Variants in NDUFAF6 observed in about 807,000 individuals in gnomAD.
NDUFAF6 encodes NADH dehydrogenase (ubiquinone) complex I, assembly factor 6.
Under a neutral mutation model 40.8 loss-of-function variants are expected in NDUFAF6, and 45 were observed. The observed-to-expected ratio is 1.10, with a 90% CI of 0.87 to 1.42. The LOEUF (loss-of-function observed/expected upper bound fraction) is 1.42. Among genes scored for constraint, NDUFAF6 ranks in the 40% most tolerant of loss-of-function variants. NDUFAF6 has a pLI of 0.00. For synonymous variants in NDUFAF6, 185 were observed against 155.9 expected (o/e 1.19, Z -1.39); for missense variants, 435 against 418.5 (o/e 1.04, Z -0.34).
chr8:95,041,552 ATG>A lies in NDUFAF6; in HGVS notation c.421-17_421-16del. 7.2e-7 allele frequency: 1 copy of A among 1,384,634 alleles called. No homozygotes were observed. 85.8% of individuals were successfully genotyped at this position (1,384,634 alleles called of 1,614,324 possible). Reference sequence around the variant, plus strand: ...TTCTAGTACTTTCTAAAAACTTATAATGCTCTTTGTTTTTTAGGCTGTTAAAA... The same window carrying A: ...TTCTAGTACTTTCTAAAAACTTATAACTCTTTGTTTTTTAGGCTGTTAAAA... On this transcript the variant is annotated splice_polypyrimidine_tract_variant and intron_variant, in intron 3 of 8. Transcript: ENST00000396124.
chr8:95,061,127 T>C (rs1314671464), downstream of NDUFAF6, among the ~76,000 whole-genome samples: 1 of 152,210 alleles, frequency 6.6e-6, no homozygotes, highest in Non-Finnish European at 1.5e-5. Flanking sequence ...ATGGATGGTC[T>C]ATGTCAAGAC....
In NDUFAF6 at chr8:95,095,171, G is replaced by T. The variant is rs192585387; in HGVS notation, n.214-5961G>T. Among the ~76,000 whole-genome samples, 200 of 152,258 alleles carry T rather than the reference G, an allele frequency of 1.3e-3. 1 individual carries two copies. Among genetic ancestry groups the T allele is most frequent in the Middle Eastern group, 3.4e-3 (1 of 294 alleles). On this transcript the variant is annotated intron_variant and non_coding_transcript_variant, in intron 2 of 5. Transcript: ENST00000523184. ...AAAGCCGTGGACTCCATAGATTTGG[G>T]TTTGACCCATGGTTGTAGAGGATTC...
At chr8:94,948,063 G>C (rs1822172127) in intron 2 of NDUFAF6, among the ~76,000 whole-genome samples, 1 of 152,164 alleles carries the variant, frequency 6.6e-6, no homozygotes, top group Non-Finnish European at 1.5e-5. Flanking sequence ...TGTGCATTGA[G>C]AAAAGGCTTT....
downstream of NDUFAF6, among the ~76,000 whole-genome samples, chr8:95,105,496 A>T (rs1042512431): frequency 6.6e-6 from 1 of 151,808 alleles, no homozygotes; most frequent in Admixed American, 6.6e-5. Context: ...AGTAGCTGGG[A>T]TTACAGGTGC....
In NDUFAF6 at chr8:95,005,556, A is replaced by T. The variant is rs865915259; in HGVS notation, c.-84+24583A>T. The stretch of plus-strand genomic sequence containing the variant: ...ATATATATATATATATATATATAAA[A>T]AATATATTAACATAAATAATATATT... On this transcript the variant is annotated intron_variant, in intron 2 of 9. Transcript: ENST00000396111. Among the ~76,000 whole-genome samples, 393 of 61,796 alleles carry T rather than the reference A, an allele frequency of 6.4e-3. 5 individuals are homozygous for T. Among genetic ancestry groups the T allele is most frequent in the African/African-American group, 0.018 (247 of 13,820 alleles). 40.5% of individuals were successfully genotyped at this position (61,796 alleles called of 152,430 possible).
downstream of NDUFAF6, among the ~76,000 whole-genome samples, chr8:95,062,637 A>G (rs1832599878): frequency 6.6e-6 from 1 of 152,218 alleles, no homozygotes; most frequent in Admixed American, 6.5e-5. Flanking sequence ...AAATTGGTGA[A>G]TGGTAGATAA....
chr8:94,980,830 T>A, intron 1 of NDUFAF6: 2 of 418,990 alleles, frequency 4.8e-6, no homozygotes, highest in African/African-American at 4.1e-5. Flanking sequence ...CTTTTCTCCA[T>A]CAAGACTACC....
Position 94,929,418 on chromosome 8 carries a change from TA to T in NDUFAF6, c.-935-16052del, listed in dbSNP as rs77909682. The T allele has an allele frequency of 4.4e-3, 611 of 139,600 alleles. 1 individual carries two copies. The highest frequency in any genetic ancestry group is 4.3e-3 in the African/African-American group (164 of 38,136). 8.6% of individuals were successfully genotyped at this position (139,600 alleles called of 1,614,324 possible). A position where few individuals can be genotyped will look rare whatever the true frequency, so the allele number is the denominator to read the frequency against. On this transcript the variant is annotated intron_variant, in intron 1 of 14. Coordinates refer to the NDUFAF6 transcript ENST00000396113. ...AAGAATACTTACAATACAAGGCAATTAAAAAAAAAAAAAGAAAAAAGTTGAG... is the reference window on the plus strand; with the variant it reads ...AAGAATACTTACAATACAAGGCAATTAAAAAAAAAAAAGAAAAAAGTTGAG...
At chr8:95,025,302 C>G (rs1827968500) in intron 1 of NDUFAF6, 97 bp downstream of exon 1, 5 of 1,207,160 alleles carry the variant, frequency 4.1e-6, no homozygotes, top group Non-Finnish European at 5.3e-6. Context: ...AGCGAGCGGA[C>G]CGGCGCCTTC....
At chr8:95,101,252 C>G (rs1396242480) in intron 2 of NDUFAF6, 1 of 152,116 alleles carries the variant, frequency 6.6e-6, no homozygotes, top group African/African-American at 2.4e-5. Flanking sequence ...CACAATGTTG[C>G]CCTTGTCTGG....
intron 1 of NDUFAF6, among the ~76,000 whole-genome samples, chr8:94,963,088 C>T (rs1823733219): frequency 6.6e-6 from 1 of 152,138 alleles, no homozygotes; most frequent in Non-Finnish European, 1.5e-5. Flanking sequence ...AGCCACTACA[C>T]CTGGCCCAAA....
intron 2 of NDUFAF6, among the ~76,000 whole-genome samples, chr8:95,011,266 C>A (rs1827217486): frequency 1.3e-5 from 2 of 152,212 alleles, no homozygotes; most frequent in Admixed American, 1.3e-4. Flanking sequence ...AAATCTTATC[C>A]ATTTCCCTGC....
chr8:94,902,597 A>G (rs1818096792), intron 1 of NDUFAF6, among the ~76,000 whole-genome samples: 1 of 151,840 alleles, frequency 6.6e-6, no homozygotes, highest in Non-Finnish European at 1.5e-5. Context: ...TTGTATGGAT[A>G]TGCTACACTT....
upstream of NDUFAF6, among the ~76,000 whole-genome samples, chr8:95,098,093 C>T (rs371096963): frequency 5.9e-5 from 9 of 152,184 alleles, no homozygotes; most frequent in Non-Finnish European, 1.3e-4. Context: ...ATGTTTTGAT[C>T]TGGAGTCCCT....
chr8:94,952,363 G>GT lies in NDUFAF6; in HGVS notation c.-798-5630dup, dbSNP rs532104612. ...GCAGCCTCAGAACACAAAGCAACAA[G>GT]TTGTTCTGTCTGTACTGAGGAGAAT... is the stretch of plus-strand genomic sequence containing the variant. On this transcript the variant is annotated intron_variant, in intron 2 of 14. Transcript: ENST00000396113. 2.3e-3 allele frequency among the ~76,000 whole-genome samples: 357 copies of GT among 152,342 alleles called. 2 individuals are homozygous for GT. Among genetic ancestry groups the GT allele is most frequent in the Non-Finnish European group, 4.0e-3 (274 of 68,040 alleles).
At chr8:94,997,335 C>CAG (rs1352657153) in intron 2 of NDUFAF6, among the ~76,000 whole-genome samples, 192 of 137,440 alleles carry the variant, frequency 1.4e-3, no homozygotes, top group African/African-American at 5.1e-3. Flanking sequence ...CACACACACA[C>CAG]ACACACACAG....
In NDUFAF6 at chr8:95,036,388, G is replaced by A. The variant is rs1160224548; in HGVS notation, c.420+812G>A. 3.9e-6 allele frequency: 5 copies of A among 1,289,404 alleles called. No homozygotes were observed. In the South Asian group the frequency reaches 4.9e-5, roughly 13 times the overall value. The allele number at this position is 1,289,404 out of a possible 1,614,324, so 79.9% of individuals were successfully genotyped here. ...CTTCTCAGGTCTGCACACCAGCAGA[G>A]GCAGGCCCAGTTTCTGGGCCCCAGA... On this transcript the variant is annotated intron_variant, in intron 3 of 8. Transcript: ENST00000396124.
At chr8:95,097,423 C>T (rs1327970670), upstream of NDUFAF6, among the ~76,000 whole-genome samples, 5 of 152,184 alleles carry the variant, frequency 3.3e-5, no homozygotes, top group African/African-American at 4.8e-5. Flanking sequence ...GTTGGCCGGG[C>T]GCAGCGGCTC....
intron 7 of NDUFAF6, among the ~76,000 whole-genome samples, chr8:95,051,875 G>C (rs1247924028): frequency 6.6e-6 from 1 of 152,156 alleles, no homozygotes; most frequent in East Asian, 1.9e-4. Context: ...GGTAATGCAA[G>C]TATTTCTTCA....
Sources: gnomAD v4.1 joint callset for allele counts (sites outside exome capture counted in the v4.1 genomes callset) on GRCh38, gnomAD v4.1.1 for gene constraint, MANE v1.5 for transcripts, NCBI Gene and HGNC (gene_info 2026-07-23, HGNC 2026-07-21) for gene names.